The following DCDC1 variants were observed in gnomAD, a reference collection of about 807,000 sequenced individuals.
DCDC1 encodes the protein doublecortin domain-containing protein 1.
A neutral mutation model predicts 178.3 loss-of-function variants in DCDC1; 200 were observed. The observed-to-expected ratio is 1.12, with a 90% CI of 1.00 to 1.26. DCDC1 has a LOEUF of 1.26. Ranked by LOEUF, DCDC1 falls within the 50% of genes most tolerant of loss-of-function variation. The pLI, the probability that DCDC1 is intolerant of heterozygous loss-of-function variation, is 0.00. For missense variants in DCDC1, 1,983 were observed against 1,749.2 expected (o/e 1.13, Z -2.38); for synonymous variants, 690 against 604.8 (o/e 1.14, Z -2.07).
intron 20 of DCDC1, among the ~76,000 whole-genome samples, chr11:30,996,701 T>TG (rs1951292953): frequency 6.6e-6 from 1 of 152,156 alleles, no homozygotes; most frequent in Admixed American, 6.5e-5. Context: ...AACATGCTGG[T>TG]GCCTTGATCT....
intron 9 of DCDC1, among the ~76,000 whole-genome samples, chr11:31,152,059 T>C (rs561611391): frequency 3.0e-3 from 461 of 152,340 alleles, no homozygotes; most frequent in Non-Finnish European, 4.8e-3. Context: ...TCATACCTCA[T>C]AAATATAATT....
chr11:30,943,478 C>T (rs2134406915), intron 21 of DCDC1: 3 of 320,212 alleles, frequency 9.4e-6, no homozygotes, highest in South Asian at 8.1e-5. Context: ...AATTTAGATA[C>T]TTTAAAATAA....
At chr11:31,091,100 G>T (rs551380140) in intron 17 of DCDC1, among the ~76,000 whole-genome samples, 1 of 152,120 alleles carries the variant, frequency 6.6e-6, no homozygotes, top group Non-Finnish European at 1.5e-5. Context: ...AATCAAAATG[G>T]ATATAAAGAA....
At chr11:31,227,054 C>A (rs1975065365) in intron 9 of DCDC1, among the ~76,000 whole-genome samples, 1 of 152,092 alleles carries the variant, frequency 6.6e-6, no homozygotes, top group Admixed American at 6.6e-5. Context: ...AATATATAAA[C>A]AAAACATCCT....
Position 31,122,267 on chromosome 11 carries a change from A to C in DCDC1, c.1485+5202T>G, listed in dbSNP as rs115134819. Among the ~76,000 whole-genome samples, 762 of 152,288 alleles carry C rather than the reference A, an allele frequency of 5.0e-3. 9 individuals are homozygous for C. The highest frequency in any genetic ancestry group is 0.017 in the African/African-American group (726 of 41,574). ...CCACCATCACGAATTCTAAGATATA[A>C]GTATAGAGAAAAGTTTTAGCTACTT... On this transcript the variant is annotated intron_variant, in intron 11 of 38. Coordinates refer to ENST00000684477, the MANE Select transcript of DCDC1 (RefSeq NM_001387274.1).
chr11:30,975,512 A>C (rs1950052685), intron 20 of DCDC1, among the ~76,000 whole-genome samples: 1 of 152,088 alleles, frequency 6.6e-6, no homozygotes, highest in Non-Finnish European at 1.5e-5. Context: ...TGAGATAATC[A>C]ATAAATTTAC....
intron 20 of DCDC1, chr11:30,992,455 C>G (rs1297903802): frequency 6.6e-6 from 1 of 152,126 alleles, no homozygotes; most frequent in African/African-American, 2.4e-5. Flanking sequence ...AGATAGATAC[C>G]AACCTGACTT....
chr11:31,027,476 T>G (rs897167639), intron 20 of DCDC1, among the ~76,000 whole-genome samples: 16 of 151,736 alleles, frequency 1.1e-4, no homozygotes, highest in African/African-American at 3.6e-4. Flanking sequence ...TTCCAGGGGG[T>G]CAGAATGTAT....
chr11:30,962,265 A>G (rs1949147054), intron 20 of DCDC1, among the ~76,000 whole-genome samples: 1 of 152,076 alleles, frequency 6.6e-6, no homozygotes, highest in Admixed American at 6.6e-5. Context: ...TTTTGTACAA[A>G]CTAATAAATA....
chr11:31,153,280 C>T (rs1209607725), intron 9 of DCDC1, among the ~76,000 whole-genome samples: 3 of 152,130 alleles, frequency 2.0e-5, no homozygotes, highest in Non-Finnish European at 4.4e-5. Flanking sequence ...TCTGACTTGC[C>T]CTTACGCTAT....
chr11:30,931,950 C>A lies in DCDC1; in HGVS notation c.2718G>T (p.Glu906Asp). ...GCAGTCCTTGTATTGGCCAATCAAA[C>A]TCCTTCAGAAAGAAATGACAAAAAC... ...PVLPSGQLNE[E>D]FDWPIQGLLV... The change falls in exon 22 of 39, where the codon GAG becomes GAT. Residue 906 changes from glutamate (E) to aspartate (D), a missense_variant and splice_region_variant. Coordinates refer to ENST00000684477, the MANE Select transcript of DCDC1 (RefSeq NM_001387274.1). The A allele has an allele frequency of 6.3e-7, 1 of 1,599,918 alleles. No homozygotes were observed. Among genetic ancestry groups the A allele is most frequent in the Non-Finnish European group, 8.5e-7 (1 of 1,174,908 alleles).
chr11:30,882,799 T>C (rs775577573), intron 36 of DCDC1: 7 of 152,216 alleles, frequency 4.6e-5, no homozygotes, highest in Non-Finnish European at 8.8e-5. Flanking sequence ...GGGTACATTG[T>C]ACTCAAGGTG....
At chr11:31,174,360 A>G (rs1276254574) in intron 9 of DCDC1, among the ~76,000 whole-genome samples, 1 of 152,188 alleles carries the variant, frequency 6.6e-6, no homozygotes, top group Non-Finnish European at 1.5e-5. Flanking sequence ...CAATGCTGAC[A>G]TGCCAGCCCC....
chr11:31,354,201 T>C (rs1427483949), intron 1 of DCDC1, among the ~76,000 whole-genome samples: 3 of 151,934 alleles, frequency 2.0e-5, no homozygotes, highest in East Asian at 3.9e-4. Context: ...CAGGAGAATC[T>C]CCTGAACCTG....
chr11:31,237,812 C>T lies in DCDC1; in HGVS notation c.1221+3638G>A, dbSNP rs532706029. Among the ~76,000 whole-genome samples, 3 of 152,126 alleles carry T rather than the reference C, an allele frequency of 2.0e-5. No individual in the cohort carries two copies. The East Asian group carries it at 5.8e-4, about 29-fold the overall frequency. On this transcript the variant is annotated intron_variant, in intron 9 of 38. Coordinates refer to ENST00000684477, the MANE Select transcript of DCDC1 (RefSeq NM_001387274.1). ...CAGCTAAAATTTAATATCAAACAAT[C>T]ATTTTATTCCGAAGTGCTAAAAACT...
In DCDC1 at chr11:31,235,484, T is replaced by A. The variant is rs1189677637; in HGVS notation, c.1221+5966A>T. On this transcript the variant is annotated intron_variant, in intron 9 of 38. Coordinates refer to ENST00000684477, the MANE Select transcript of DCDC1 (RefSeq NM_001387274.1). Reference sequence around the variant, plus strand: ...TTTATCTGTATTATAATTAAAACACTTAAATTGGGATTTTTATAAAATTTT... The same window carrying A: ...TTTATCTGTATTATAATTAAAACACATAAATTGGGATTTTTATAAAATTTT... Among the ~76,000 whole-genome samples, 7 of 152,060 alleles carry A rather than the reference T, an allele frequency of 4.6e-5. No individual in the cohort carries two copies. In the East Asian group the frequency reaches 1.4e-3, roughly 29 times the overall value.
At position 31,271,921 on chromosome 11, in the gene DCDC1, G is replaced by A. The variant is rs1167123827; in HGVS notation, c.961-6321C>T. Among the ~76,000 whole-genome samples, 4 of 152,222 alleles carry A rather than the reference G, an allele frequency of 2.6e-5. No homozygotes were observed. In the East Asian group the frequency reaches 7.7e-4, roughly 29 times the overall value. ...CTCATGCCTGTAATCCCAGCATTTT[G>A]GGAGGCCAAGGAGGGCAGATCACGA... On this transcript the variant is annotated intron_variant, in intron 7 of 38. Coordinates refer to ENST00000684477, the MANE Select transcript of DCDC1 (RefSeq NM_001387274.1).
chr11:30,910,219 C>T (rs532462545), intron 28 of DCDC1, among the ~76,000 whole-genome samples: 1 of 152,184 alleles, frequency 6.6e-6, no homozygotes, highest in East Asian at 1.9e-4. Context: ...TCCAAATTAC[C>T]TTGGGGTCAA....
At chr11:31,258,677 C>T (rs1405463112) in intron 8 of DCDC1, among the ~76,000 whole-genome samples, 4 of 152,094 alleles carry the variant, frequency 2.6e-5, no homozygotes, top group Non-Finnish European at 5.9e-5. Flanking sequence ...GCACATAAGC[C>T]TCAGAAACAC....
Sources: allele counts gnomAD v4.1 joint callset (sites outside exome capture counted in the v4.1 genomes callset), GRCh38; gene constraint gnomAD v4.1.1; transcripts MANE v1.5; gene names NCBI Gene and HGNC (gene_info 2026-07-23, HGNC 2026-07-21).